The following HPSE2 variants were observed in gnomAD, a reference collection of about 807,000 sequenced individuals.
HPSE2 encodes the protein inactive heparanase-2.
In HPSE2, 38 loss-of-function variants were observed where a neutral mutation model predicts 60.5. The ratio of observed to expected loss-of-function variants is 0.63; its 90% confidence interval spans 0.48 to 0.82. The LOEUF (loss-of-function observed/expected upper bound fraction) is 0.82, where lower values mean the gene tolerates loss of function less well. Among genes scored for constraint, HPSE2 ranks in the 40% least tolerant of loss-of-function variants. The pLI, the probability that HPSE2 is intolerant of heterozygous loss-of-function variation, is 0.00. For missense variants in HPSE2, 713 were observed against 740.4 expected, an observed-to-expected ratio of 0.96 and a Z score of 0.43; for synonymous variants, 295 against 293.2, an observed-to-expected ratio of 1.01 and a Z score of -0.06.
chr10:98,959,946 T>A (rs370235356), intron 3 of HPSE2, among the ~76,000 whole-genome samples: 1 of 152,118 alleles, frequency 6.6e-6, no homozygotes, highest in African/African-American at 2.4e-5. Flanking sequence ...GCAAAGTTTT[T>A]TCCCCCCACA....
rs1013856772 is a variant in HPSE2 at position 99,126,009 on chromosome 10, G to A, written c.610+18229C>T. 6.6e-6 allele frequency among the ~76,000 whole-genome samples: 1 copy of A among 152,146 alleles called. No homozygotes were observed. The highest frequency in any genetic ancestry group is 1.5e-5 in the Non-Finnish European group (1 of 68,024). ...GCGAATGGGGACTGCTGCAGATAACGAGCACAGGAGCTGGTGATGACAGTG... is the reference window on the plus strand; with the variant it reads ...GCGAATGGGGACTGCTGCAGATAACAAGCACAGGAGCTGGTGATGACAGTG... On this transcript the variant is annotated intron_variant, in intron 3 of 11. Coordinates refer to ENST00000370552, the MANE Select transcript of HPSE2 (RefSeq NM_021828.5). This position sits in a 1 kb window ranked among gnomAD's most constrained non-coding sequence, Gnocchi z 4.0.
chr10:99,209,631 GC>G (rs1197749931), intron 2 of HPSE2, among the ~76,000 whole-genome samples: 1 of 152,078 alleles, frequency 6.6e-6, no homozygotes, highest in Non-Finnish European at 1.5e-5. Flanking sequence ...AAAGATCAGA[GC>G]AGAAATAATA....
intron 3 of HPSE2, among the ~76,000 whole-genome samples, chr10:99,115,919 T>C (rs1349001697): frequency 6.6e-6 from 1 of 152,218 alleles, no homozygotes; most frequent in Non-Finnish European, 1.5e-5. Context: ...CATTGACTTT[T>C]ACACAGACAT....
chr10:99,315,456 TCC>T, the HPSE2 span, among the ~76,000 whole-genome samples: 2,147 of 152,282 alleles, frequency 0.014, 20 homozygotes, highest in Middle Eastern at 0.061. Context: ...GGTTAAGAAC[TCC>T]TAGTTTAACA....
Position 99,012,431 on chromosome 10 carries a change from C to CT in HPSE2, c.610+131806dup, listed in dbSNP as rs34974749. Among the ~76,000 whole-genome samples the CT allele has an allele frequency of 3.4e-3, 505 of 146,506 alleles. 1 individual carries two copies. The highest frequency in any genetic ancestry group is 0.011 in the African/African-American group (434 of 39,906). On this transcript the variant is annotated intron_variant, in intron 3 of 11. Coordinates refer to ENST00000370552, the MANE Select transcript of HPSE2 (RefSeq NM_021828.5). ...CACAATATCATGCTTTTTCCTTTTC[C>CT]TTTTTTTTTTTAACAAGCAGCTCAA...
At chr10:98,531,196 G>A (rs1307940422) in intron 9 of HPSE2, among the ~76,000 whole-genome samples, 2 of 152,130 alleles carry the variant, frequency 1.3e-5, no homozygotes, top group Admixed American at 1.3e-4. Context: ...GGAAATACAG[G>A]GAGCACAGAG....
At chr10:98,804,736 A>G (rs1951001839) in intron 3 of HPSE2, among the ~76,000 whole-genome samples, 1 of 152,160 alleles carries the variant, frequency 6.6e-6, no homozygotes, top group Non-Finnish European at 1.5e-5. Context: ...TTCCTCAGAA[A>G]ACTAAAAATA....
intron 5 of HPSE2, among the ~76,000 whole-genome samples, chr10:98,719,427 A>T (rs1045728058): frequency 2.0e-5 from 3 of 152,058 alleles, no homozygotes; most frequent in Non-Finnish European, 4.4e-5. Flanking sequence ...CATGTCAGAG[A>T]AGATCTAGAG....
At chr10:99,232,267 A>T in intron 2 of HPSE2, 81 bp downstream of exon 2, 1 of 1,463,258 alleles carries the variant, frequency 6.8e-7, no homozygotes, top group Non-Finnish European at 9.4e-7. Flanking sequence ...GAACACACAG[A>T]CACACGAACA....
chr10:99,231,876 G>C (rs1016922621), intron 2 of HPSE2, among the ~76,000 whole-genome samples: 2 of 152,126 alleles, frequency 1.3e-5, no homozygotes, highest in African/African-American at 4.8e-5. Context: ...CAAGAAATAA[G>C]AAAAACAGAA....
chr10:99,161,524 C>T (rs1045577082), intron 2 of HPSE2, among the ~76,000 whole-genome samples: 2 of 152,078 alleles, frequency 1.3e-5, no homozygotes, highest in Non-Finnish European at 2.9e-5. Context: ...TGACAGAAAG[C>T]ATATCAGTGG....
chr10:98,618,990 T>C (rs1945999288), intron 8 of HPSE2, among the ~76,000 whole-genome samples: 2 of 152,182 alleles, frequency 1.3e-5, no homozygotes, highest in African/African-American at 4.8e-5. Context: ...CAACGTTAGA[T>C]GCTGAGGACA....
Position 98,459,669 on chromosome 10 carries a change from G to A in HPSE2, c.1684C>T (p.Pro562Ser), listed in dbSNP as rs995304582. ...DGTLPELKPR[P>S]LRAGRTLVIP... ...ACCAATGTCCGGCCGGCCCGAAGGG[G>A]GCGGGGCTTCAATTCTGGGAGGGTC... Residue 562 changes from proline to serine, a missense_variant, in exon 12 of 12, where the codon CCC becomes TCC. By Grantham distance (74) the Pro-to-Ser change is moderately conservative (BLOSUM62 -1). Coordinates refer to ENST00000370552, the MANE Select transcript of HPSE2 (RefSeq NM_021828.5). 1 of 1,614,158 alleles carries A rather than the reference G, an allele frequency of 6.2e-7. No homozygotes were observed. The highest frequency in any genetic ancestry group is 8.5e-7 in the Non-Finnish European group (1 of 1,180,028).
chr10:98,625,671 T>C (rs895236624), intron 7 of HPSE2, among the ~76,000 whole-genome samples: 2 of 152,178 alleles, frequency 1.3e-5, no homozygotes, highest in African/African-American at 2.4e-5. Context: ...AATGTTGCTA[T>C]AGGCTAAATG....
chr10:98,812,017 T>C (rs1589866412), intron 3 of HPSE2, among the ~76,000 whole-genome samples: 2 of 152,316 alleles, frequency 1.3e-5, no homozygotes, highest in African/African-American at 4.8e-5. Flanking sequence ...TCTTGTATCC[T>C]TCACCTTATT....
In HPSE2 at chr10:98,670,818, A is replaced by C. The variant is rs143538523; in HGVS notation, c.1004+23082T>G. On this transcript the variant is annotated intron_variant, in intron 6 of 11. Transcript: ENST00000370552. ...ACATATCCCCTAGATTGCTCAATCA[A>C]TCACGACCCTTTCATGTGAAATCTT... is the stretch of plus-strand genomic sequence containing the variant. Among the ~76,000 whole-genome samples, 779 of 152,372 alleles carry C rather than the reference A, an allele frequency of 5.1e-3. 7 individuals are homozygous for C. The highest frequency in any genetic ancestry group is 0.017 in the African/African-American group (717 of 41,584).
At chr10:99,048,721 A>G (rs776659123) in intron 3 of HPSE2, among the ~76,000 whole-genome samples, 2 of 152,174 alleles carry the variant, frequency 1.3e-5, no homozygotes, top group Non-Finnish European at 2.9e-5. Flanking sequence ...CCACAATCCC[A>G]TTACTAGGTA....
At chr10:99,228,503 A>C (rs906987116) in intron 2 of HPSE2, among the ~76,000 whole-genome samples, 1 of 152,218 alleles carries the variant, frequency 6.6e-6, no homozygotes, top group Non-Finnish European at 1.5e-5. Context: ...AGAGGGGAAG[A>C]CTGGAAAAAA....
chr10:99,216,349 C>G (rs1381829758), intron 2 of HPSE2, among the ~76,000 whole-genome samples: 1 of 152,074 alleles, frequency 6.6e-6, no homozygotes, highest in Non-Finnish European at 1.5e-5. Context: ...CGCCTGCCAC[C>G]ATGCCCTGCT....
Sources: allele counts gnomAD v4.1 joint callset (sites outside exome capture counted in the v4.1 genomes callset), GRCh38; gene constraint gnomAD v4.1.1; non-coding constraint Gnocchi (gnomAD v3.1); transcripts MANE v1.5; gene names NCBI Gene and HGNC (gene_info 2026-07-23, HGNC 2026-07-21).